The following RNF4 variants were observed in gnomAD, a reference collection of about 807,000 sequenced individuals.
RNF4 encodes E3 ubiquitin-protein ligase RNF4.
A neutral mutation model predicts 24.3 loss-of-function variants in RNF4; 7 were observed. The ratio of observed to expected loss-of-function variants is 0.29; its 90% confidence interval spans 0.16 to 0.54. RNF4 has a LOEUF of 0.54. RNF4 is among the 20% of genes least tolerant of loss of function. The probability of loss-of-function intolerance (pLI) is 0.95; values close to 1 mark genes in which losing one functional copy is unlikely to be tolerated. For missense variants in RNF4, 209 were observed against 248.5 expected (o/e 0.84, Z 1.07); for synonymous variants, 83 against 84.3 (o/e 0.98, Z 0.09).
chr4:2,485,508 C>G (rs1279609364), intron 1 of RNF4, among the ~76,000 whole-genome samples: 1 of 152,182 alleles, frequency 6.6e-6, no homozygotes. Flanking sequence ...TAAAACTACA[C>G]TCAGCACCTG....
chr4:2,481,850 G>T (rs953247795), intron 1 of RNF4, among the ~76,000 whole-genome samples: 1 of 152,182 alleles, frequency 6.6e-6, no homozygotes, highest in South Asian at 2.1e-4. Context: ...TGGGACTACA[G>T]TCGTACACCA....
intron 1 of RNF4, among the ~76,000 whole-genome samples, chr4:2,489,232 C>T (rs1290819213): frequency 6.6e-6 from 1 of 152,184 alleles, no homozygotes; most frequent in Non-Finnish European, 1.5e-5. Context: ...GGGAAAGTTG[C>T]TGCGGCAAAT....
chr4:2,505,452 A>C (rs1236863828), intron 4 of RNF4: 9 of 151,580 alleles, frequency 5.9e-5, no homozygotes, highest in Non-Finnish European at 1.2e-4. Context: ...CAGCCTCCAG[A>C]GTAGCTGGGA....
chr4:2,497,803 T>G (rs1735783288), intron 3 of RNF4, among the ~76,000 whole-genome samples: 3 of 151,720 alleles, frequency 2.0e-5, no homozygotes, highest in Admixed American at 2.0e-4. Flanking sequence ...CCCGGCTAAT[T>G]TTTTGTATTT....
intron 4 of RNF4, among the ~76,000 whole-genome samples, chr4:2,502,351 A>G (rs1037072427): frequency 2.0e-5 from 3 of 152,206 alleles, no homozygotes; most frequent in African/African-American, 7.2e-5. Flanking sequence ...ACAAACCAAC[A>G]TCATTTCCCC....
intron 4 of RNF4, among the ~76,000 whole-genome samples, chr4:2,502,611 G>A (rs1341609735): frequency 4.6e-5 from 7 of 151,278 alleles, no homozygotes; most frequent in African/African-American, 1.5e-4. Flanking sequence ...ATCAGAGGTT[G>A]CAGTGAGCCG....
chr4:2,508,911 CTTTTTTTTTTTT>C (rs66571775), intron 4 of RNF4, among the ~76,000 whole-genome samples: 2 of 62,644 alleles, frequency 3.2e-5, no homozygotes, highest in South Asian at 8.7e-4. Flanking sequence ...TGCCCCAGGC[CTTTTTTTTTTTT>C]TTTTTTTTTT....
rs2108780361 is a variant in RNF4, at chr4:2,512,763, A to G, written c.374+166A>G. 1.3e-5 allele frequency among the ~76,000 whole-genome samples: 2 copies of G among 152,308 alleles called. No homozygotes were observed. Among genetic ancestry groups the G allele is most frequent in the East Asian group, 3.9e-4 (2 of 5,172 alleles). ...ACTGGGTCCAGAACTGAGTCCAGCT[A>G]TTCCCACTGTAACCAGAGGATGCCA... On this transcript the variant is annotated intron_variant, in intron 6 of 7. Coordinates refer to ENST00000314289, the MANE Select transcript of RNF4 (RefSeq NM_002938.5). This position sits in a 1 kb window ranked among gnomAD's most constrained non-coding sequence, Gnocchi z 4.1.
intron 2 of RNF4, among the ~76,000 whole-genome samples, chr4:2,492,291 C>G (rs898389942): frequency 2.6e-5 from 4 of 152,174 alleles, no homozygotes; most frequent in African/African-American, 7.2e-5. Context: ...GCAGTCCTCC[C>G]ACCTAGGCTC....
chr4:2,469,632 T>C (rs1313553251), intron 1 of RNF4: 1 of 152,196 alleles, frequency 6.6e-6, no homozygotes, highest in Non-Finnish European at 1.5e-5. Flanking sequence ...GGGTTTTTGT[T>C]CCCCGCTGAC....
rs1467008613 is a variant in RNF4, at chr4:2,515,614, A to T, written c.*1795A>T. 6.6e-6 allele frequency: 1 copy of T among 152,540 alleles called. No individual in the cohort carries two copies. The highest frequency in any genetic ancestry group is 1.5e-5 in the Non-Finnish European group (1 of 68,042). The allele number at this position is 152,540 out of a possible 1,614,324, so 9.4% of individuals were successfully genotyped here. On this transcript the variant is annotated 3_prime_UTR_variant, in exon 8 of 8. Transcript: ENST00000314289. ...TTAAAGACAACTTCAGTGGTTAATT[A>T]TAAAAGTTGTGTTACTTCGTCCTAA...
intron 1 of RNF4, among the ~76,000 whole-genome samples, chr4:2,473,110 G>A (rs566666048): frequency 3.3e-5 from 5 of 152,154 alleles, no homozygotes; most frequent in South Asian, 2.1e-4. Context: ...AGCAGTTCAC[G>A]GTGGCTCACG....
intron 4 of RNF4, among the ~76,000 whole-genome samples, chr4:2,504,308 C>T (rs1245024509): frequency 6.6e-6 from 1 of 152,134 alleles, no homozygotes; most frequent in Non-Finnish European, 1.5e-5. Flanking sequence ...AAATGCCAGA[C>T]TTTTCTAAAG....
At position 2,512,159 on chromosome 4, in the gene RNF4, A is replaced by G. The variant is rs1264839858; in HGVS notation, c.214+194A>G. On this transcript the variant is annotated intron_variant, in intron 5 of 7. Transcript: ENST00000314289. The surrounding 1 kb of genome is among the most constrained non-coding windows in gnomAD (Gnocchi z 4.1). The stretch of plus-strand genomic sequence containing the variant: ...TGCCTGCTGAAGAAACTTCACCACT[A>G]TCATTGAGCACTGAGCTATAGTCCT... 5 of 646,100 alleles carry G rather than the reference A, an allele frequency of 7.7e-6. No homozygotes were observed. The highest frequency in any genetic ancestry group is 7.3e-5 in the African/African-American group (4 of 54,532). The allele number at this position is 646,100 out of a possible 1,614,324, so 40.0% of individuals were successfully genotyped here. A position where few individuals can be genotyped will look rare whatever the true frequency, so the allele number is the denominator to read the frequency against.
chr4:2,477,534 G>A (rs906868863), intron 1 of RNF4, among the ~76,000 whole-genome samples: 5 of 152,092 alleles, frequency 3.3e-5, no homozygotes, highest in East Asian at 3.9e-4. Context: ...ACAGTGAGCC[G>A]AGATCATGCC....
intron 1 of RNF4, chr4:2,470,914 C>CACTTTGTG (rs1734884267): frequency 6.7e-6 from 1 of 150,098 alleles, no homozygotes; most frequent in Non-Finnish European, 1.5e-5. Context: ...AGCATGTGCT[C>CACTTTGTG]ACTTTGTGTC....
In RNF4 at chr4:2,512,616, C is replaced by T. The variant is rs1736300659; in HGVS notation, c.374+19C>T. On this transcript the variant is annotated intron_variant, in intron 6 of 7. Transcript: ENST00000314289. The surrounding 1 kb of genome is among the most constrained non-coding windows in gnomAD (Gnocchi z 4.1). ...GCCTCAGGTACCAACGTGCCCCCAG[C>T]TCTGCTGCCGCCATGCTAGGATGTG... 6.2e-7 allele frequency: 1 copy of T among 1,612,334 alleles called. No individual in the cohort carries two copies. Among genetic ancestry groups the T allele is most frequent in the African/African-American group, 1.3e-5 (1 of 75,016 alleles).
At chr4:2,473,295 A>C (rs1389656458) in intron 1 of RNF4, among the ~76,000 whole-genome samples, 1 of 152,046 alleles carries the variant, frequency 6.6e-6, no homozygotes, top group Middle Eastern at 3.4e-3. Flanking sequence ...GAGGTAGGTT[A>C]ATCGCTTGGG....
At chr4:2,477,790 A>G (rs1014854316) in intron 1 of RNF4, among the ~76,000 whole-genome samples, 2 of 152,170 alleles carry the variant, frequency 1.3e-5, no homozygotes, top group Non-Finnish European at 2.9e-5. Context: ...CTTTATTAGC[A>G]TCGTGAAAAC....
Sources: gnomAD v4.1 joint callset for allele counts (sites outside exome capture counted in the v4.1 genomes callset) on GRCh38, gnomAD v4.1.1 for gene constraint, Gnocchi (gnomAD v3.1) non-coding constraint, MANE v1.5 for transcripts, NCBI Gene and HGNC (gene_info 2026-07-23, HGNC 2026-07-21) for gene names.